Variants in ATP8B3 observed in about 807,000 individuals in gnomAD.
The protein encoded by ATP8B3 is phospholipid-transporting ATPase IK.
ATP8B3 carries 141 observed loss-of-function variants against 140.9 expected under a neutral mutation model. The ratio of observed to expected loss-of-function variants is 1.00; its 90% CI spans 0.87 to 1.15. The LOEUF (loss-of-function observed/expected upper bound fraction) is 1.15, where lower values mean the gene tolerates loss of function less well. ATP8B3 is among the 50% of genes most tolerant of loss of function. ATP8B3 has a pLI of 0.00. For synonymous variants in ATP8B3, 765 were observed against 714.6 expected (o/e 1.07, Z -1.13); for missense variants, 1,874 against 1,740.6 (o/e 1.08, Z -1.36).
Position 1,785,553 on chromosome 19 carries a change from G to A in ATP8B3, c.3309C>T (p.Asp1103=). ...NFFMTLWISR[D]TAGPASFSDH... ...CGCTGAAGCTGGCGGGTCCCGCCGT[G>A]TCGCGGCTGATCCACAGTGTCATGA... Residue 1103 remains aspartate, a synonymous_variant, in exon 26 of 29, where the codon GAC becomes GAT. Coordinates refer to ENST00000310127, the MANE Select transcript of ATP8B3 (RefSeq NM_138813.4). The A allele has an allele frequency of 6.2e-7, 1 of 1,613,004 alleles. No homozygotes were observed.
At chr19:1,785,390 C>A (rs2068272643) in intron 26 of ATP8B3, 79 bp downstream of exon 26, 3 of 1,563,922 alleles carry the variant, frequency 1.9e-6, no homozygotes, top group Non-Finnish European at 2.6e-6. Context: ...CTGGCAATGC[C>A]CCCAAAGCAG....
In ATP8B3 at chr19:1,806,100, G is replaced by A. The variant is rs1049956614; in HGVS notation, c.747C>T (p.Val249=). 1 of 1,602,580 alleles carries A rather than the reference G, an allele frequency of 6.2e-7. No individual in the cohort carries two copies. The highest frequency in any genetic ancestry group is 1.3e-5 in the African/African-American group (1 of 74,596). ...CTCGGGGTCAACCCCAGCTCACTGG[G>A]ACGATGTTGTCCTTGCGGAGACAGA... ...DVVCLRKDNI[V]PADMLLLAST... is the part of the protein sequence containing the mutation. Residue 249 remains valine (V), a synonymous_variant, in exon 8 of 29, where the codon GTC becomes GTT. Coordinates refer to ENST00000310127, the MANE Select transcript of ATP8B3 (RefSeq NM_138813.4). This position sits in a 1 kb window ranked among gnomAD's most constrained non-coding sequence, Gnocchi z 5.6.
chr19:1,804,525 G>A (rs975633323), intron 10 of ATP8B3, among the ~76,000 whole-genome samples: 5 of 151,784 alleles, frequency 3.3e-5, no homozygotes, highest in African/African-American at 9.7e-5. Flanking sequence ...GGAGAATGGC[G>A]TGAACCCAGG....
Position 1,806,781 on chromosome 19 carries a change from C to G in ATP8B3, c.616-92G>C. ...GCACTGCAGCCCAGCAGTGCCCGCCCGCAACACGGGGTCCCTGTCCGCTGG... is the reference window on the plus strand; with the variant it reads ...GCACTGCAGCCCAGCAGTGCCCGCCGGCAACACGGGGTCCCTGTCCGCTGG... On this transcript the variant is annotated intron_variant, in intron 6 of 28. Coordinates refer to ENST00000310127, the MANE Select transcript of ATP8B3 (RefSeq NM_138813.4). The surrounding 1 kb of genome is among the most constrained non-coding windows in gnomAD (Gnocchi z 5.6). The G allele has an allele frequency of 7.2e-7, 1 of 1,380,320 alleles. No individual in the cohort carries two copies. The highest frequency in any genetic ancestry group is 1.0e-6 in the Non-Finnish European group (1 of 996,526). The allele number at this position is 1,380,320 out of a possible 1,614,324, so 85.5% of individuals were successfully genotyped here. A position where few individuals can be genotyped will look rare whatever the true frequency, so the allele number is the denominator to read the frequency against.
In ATP8B3 at chr19:1,806,330, C is replaced by T. The variant is rs911612607; in HGVS notation, c.678-161G>A. On this transcript the variant is annotated intron_variant, in intron 7 of 28. Coordinates refer to ENST00000310127, the MANE Select transcript of ATP8B3 (RefSeq NM_138813.4). This position sits in a 1 kb window ranked among gnomAD's most constrained non-coding sequence, Gnocchi z 5.6. The stretch of plus-strand genomic sequence containing the variant: ...TTCCCCGGGCTCCCACCCCACTCCC[C>T]GCGGGTCCACGCTCCCACCCAGTGA... 4.8e-6 allele frequency: 7 copies of T among 1,470,214 alleles called. No individual in the cohort carries two copies. The Admixed American group carries it at 7.0e-5, about 15-fold the overall frequency. The allele number at this position is 1,470,214 out of a possible 1,614,324, so 91.1% of individuals were successfully genotyped here.
chr19:1,795,282 T>C (rs1258051117), intron 18 of ATP8B3, among the ~76,000 whole-genome samples: 1 of 149,740 alleles, frequency 6.7e-6, no homozygotes, highest in Non-Finnish European at 1.5e-5. Flanking sequence ...CTGGGCGCGA[T>C]GGCTCATGTC....
chr19:1,785,524 T>A lies in ATP8B3; in HGVS notation c.3338A>T (p.His1113Leu). 1 of 1,612,934 alleles carries A rather than the reference T, an allele frequency of 6.2e-7. No individual in the cohort carries two copies. Among genetic ancestry groups the A allele is most frequent in the Non-Finnish European group, 8.5e-7 (1 of 1,179,850 alleles). Reference protein sequence around the residue: ...DTAGPASFSDHQSFAVVVALS... With the variant: ...DTAGPASFSDLQSFAVVVALS... ...GGCCACCACGACCGCAAAGGACTGGTGGTCGCTGAAGCTGGCGGGTCCCGC... is the reference window on the plus strand; with the variant it reads ...GGCCACCACGACCGCAAAGGACTGGAGGTCGCTGAAGCTGGCGGGTCCCGC... Residue 1113 changes from histidine to leucine, a missense_variant, in exon 26 of 29, where the codon CAC becomes CTC. Around this residue, in one of 3 missense-constraint regions of ATP8B3, gnomAD observed 840 missense variants for 760.9 expected, o/e 1.10. Transcript: ENST00000310127.
rs7252351 is a variant in ATP8B3 at position 1,785,830 on chromosome 19, G to T, written c.3154-122C>A. On this transcript the variant is annotated intron_variant, in intron 25 of 28. Transcript: ENST00000310127. ...TCTGTGTGTGGCTCTTTGAGTTTAA[G>T]TGAGTTAAAATAAAGTAAGGCCAGG... The T allele has an allele frequency of 5.6e-3, 6,359 of 1,142,386 alleles. 291 individuals carry two copies. In the African/African-American group the frequency reaches 0.086, roughly 16 times the overall value. 70.8% of individuals were successfully genotyped at this position (1,142,386 alleles called of 1,614,324 possible).
rs1197337563 is a variant in ATP8B3, at chr19:1,801,962, C to T, written c.1146G>A (p.Val382=). ...TKLDLLMNKL[V]VVIFISVVLV... is the part of the protein sequence containing the mutation. ...GCACTTGTTGGCAGCTCACCACAAC[C>T]ACCAGCTTGTTCATCAGGAGGTCCA... is the stretch of plus-strand genomic sequence containing the variant. Residue 382 remains valine (V), a synonymous_variant, in exon 12 of 29, where the codon GTG becomes GTA. Coordinates refer to ENST00000310127, the MANE Select transcript of ATP8B3 (RefSeq NM_138813.4). 2 of 1,612,306 alleles carry T rather than the reference C, an allele frequency of 1.2e-6. No individual in the cohort carries two copies. The highest frequency in any genetic ancestry group is 1.3e-5 in the African/African-American group (1 of 74,964).
chr19:1,782,871 A>C lies in ATP8B3; in HGVS notation c.*157T>G. Reference sequence around the variant, plus strand: ...AGCCTGTTGCTGCTGGTGAGCACATATTTGGGGAGGGCAGGTTGGTTTTCT... The same window carrying C: ...AGCCTGTTGCTGCTGGTGAGCACATCTTTGGGGAGGGCAGGTTGGTTTTCT... On this transcript the variant is annotated 3_prime_UTR_variant, in exon 29 of 29. Coordinates refer to ENST00000310127, the MANE Select transcript of ATP8B3 (RefSeq NM_138813.4). The C allele has an allele frequency of 1.1e-6, 1 of 940,654 alleles. No homozygotes were observed. The highest frequency in any genetic ancestry group is 1.6e-6 in the Non-Finnish European group (1 of 639,280). 58.3% of individuals were successfully genotyped at this position (940,654 alleles called of 1,614,324 possible).
chr19:1,783,160 A>C lies in ATP8B3; in HGVS notation c.3771T>G (p.Arg1257=). ...ARRSSYAFSH[R]EGYANLITQG... ...GAGTGATGAGGTTTGCATATCCCTC[A>C]CGGTGGGAGAAAGCATAGCTGGAAC... Residue 1257 remains arginine (R), a synonymous_variant, in exon 29 of 29, where the codon CGT becomes CGG. Coordinates refer to ENST00000310127, the MANE Select transcript of ATP8B3 (RefSeq NM_138813.4). The C allele has an allele frequency of 6.2e-7, 1 of 1,613,618 alleles. No individual in the cohort carries two copies.
In ATP8B3 at chr19:1,807,308, C is replaced by T. The variant is rs1216572296; in HGVS notation, c.517-42G>A. 1.3e-6 allele frequency: 2 copies of T among 1,517,976 alleles called. No homozygotes were observed. The highest frequency in any genetic ancestry group is 1.8e-6 in the Non-Finnish European group (2 of 1,098,506). 94.0% of individuals were successfully genotyped at this position (1,517,976 alleles called of 1,614,324 possible). A position where few individuals can be genotyped will look rare whatever the true frequency, so the allele number is the denominator to read the frequency against. On this transcript the variant is annotated intron_variant, in intron 5 of 28. Transcript: ENST00000310127. This position sits in a 1 kb window ranked among gnomAD's most constrained non-coding sequence, Gnocchi z 5.9. The stretch of plus-strand genomic sequence containing the variant: ...ACAGGAAGGGTCACACCAGCCCACT[C>T]CCCCGTCCCCTGCCCTTCCACCAAG...
At chr19:1,796,554 G>C (rs556986224) in intron 16 of ATP8B3, among the ~76,000 whole-genome samples, 157 bp downstream of exon 16, 34 of 152,200 alleles carry the variant, frequency 2.2e-4, no homozygotes, top group African/African-American at 7.7e-4. Context: ...CTCCAGGCCC[G>C]GACGCCCTCG....
In ATP8B3 at chr19:1,785,830, G is replaced by A. The variant is rs7252351; in HGVS notation, c.3154-122C>T. 3.5e-6 allele frequency: 4 copies of A among 1,142,290 alleles called. No homozygotes were observed. In the East Asian group the frequency reaches 1.0e-4, roughly 30 times the overall value. 70.8% of individuals were successfully genotyped at this position (1,142,290 alleles called of 1,614,324 possible). A position where few individuals can be genotyped will look rare whatever the true frequency, so the allele number is the denominator to read the frequency against. ...TCTGTGTGTGGCTCTTTGAGTTTAA[G>A]TGAGTTAAAATAAAGTAAGGCCAGG... On this transcript the variant is annotated intron_variant, in intron 25 of 28. Coordinates refer to ENST00000310127, the MANE Select transcript of ATP8B3 (RefSeq NM_138813.4).
At chr19:1,802,148 C>G in intron 11 of ATP8B3, 104 bp from the exon 12 acceptor site, 1 of 759,586 alleles carries the variant, frequency 1.3e-6, no homozygotes. Flanking sequence ...CACCCACCTA[C>G]CCATCCACCC....
In ATP8B3 at chr19:1,782,481, G is replaced by A. The variant is rs2068189294; in HGVS notation, c.*547C>T. ...GACGATTCTTCCAGACTTGGTGGCA[G>A]AGTCTCCACCTGAGATTTGTGGGTC... On this transcript the variant is annotated 3_prime_UTR_variant, in exon 29 of 29. Coordinates refer to ENST00000310127, the MANE Select transcript of ATP8B3 (RefSeq NM_138813.4). The A allele has an allele frequency of 4.9e-6, 1 of 202,742 alleles. No individual in the cohort carries two copies. Among genetic ancestry groups the A allele is most frequent in the South Asian group, 1.5e-4 (1 of 6,564 alleles). 12.6% of individuals were successfully genotyped at this position (202,742 alleles called of 1,614,324 possible).
Position 1,805,536 on chromosome 19 carries a change from T to C in ATP8B3, c.822-80A>G, listed in dbSNP as rs912625246. 2 of 1,219,582 alleles carry C rather than the reference T, an allele frequency of 1.6e-6. No individual in the cohort carries two copies. The highest frequency in any genetic ancestry group is 5.1e-5 in the East Asian group (2 of 39,374). The allele number at this position is 1,219,582 out of a possible 1,614,324, so 75.5% of individuals were successfully genotyped here. A position where few individuals can be genotyped will look rare whatever the true frequency, so the allele number is the denominator to read the frequency against. On this transcript the variant is annotated intron_variant, in intron 9 of 28. Coordinates refer to ENST00000310127, the MANE Select transcript of ATP8B3 (RefSeq NM_138813.4). The surrounding 1 kb of genome is among the most constrained non-coding windows in gnomAD (Gnocchi z 5.2). ...GCCCCCAGACCCCTTCTGGAGTCACTCAAACATTTTCACTGAGCACCTACT... is the reference window on the plus strand; with the variant it reads ...GCCCCCAGACCCCTTCTGGAGTCACCCAAACATTTTCACTGAGCACCTACT...
rs778846457 is a variant in ATP8B3, at chr19:1,806,005, A to C, written c.751-47T>G. On this transcript the variant is annotated intron_variant, in intron 8 of 28. Transcript: ENST00000310127. The surrounding 1 kb of genome is among the most constrained non-coding windows in gnomAD (Gnocchi z 5.6). The stretch of plus-strand genomic sequence containing the variant: ...CGTTGCAAGAGGGGATGCAAGACAA[A>C]TTGGGGGTGCGGCAGCCCTCCCCAC... 3.1e-6 allele frequency: 5 copies of C among 1,606,812 alleles called. No homozygotes were observed. Among genetic ancestry groups the C allele is most frequent in the Non-Finnish European group, 4.2e-6 (5 of 1,177,206 alleles).
chr19:1,792,208 T>G, intron 18 of ATP8B3, 73 bp from the exon 19 acceptor site: 1 of 1,455,618 alleles, frequency 6.9e-7, no homozygotes, highest in Non-Finnish European at 9.0e-7. Flanking sequence ...CCCAACCCCC[T>G]GCCGGGCTCC....
Sources: gnomAD v4.1 joint callset for allele counts (sites outside exome capture counted in the v4.1 genomes callset) on GRCh38, gnomAD v4.1.1 for gene constraint, gnomAD v4.1.1 regional missense constraint, Gnocchi (gnomAD v3.1) non-coding constraint, MANE v1.5 for transcripts, NCBI Gene and HGNC (gene_info 2026-07-23, HGNC 2026-07-21) for gene names.